ADGRD1: variants seen among roughly 807,000 people sequenced by gnomAD.
The protein encoded by ADGRD1 is adhesion G protein-coupled receptor D1, also known as G-protein coupled receptor 133.
ADGRD1 carries 77 observed loss-of-function variants against 113.4 expected under a neutral mutation model. The observed-to-expected ratio is 0.68, with a 90% CI of 0.57 to 0.82. The LOEUF is 0.82. ADGRD1 is among the 40% of genes least tolerant of loss of function. The pLI, the probability that ADGRD1 is intolerant of heterozygous loss-of-function variation, is 0.00. For synonymous variants in ADGRD1, 474 were observed against 475.0 expected (o/e 1.00, Z 0.03); for missense variants, 1,036 against 1,139.1 (o/e 0.91, Z 1.30).
intron 12 of ADGRD1, among the ~76,000 whole-genome samples, chr12:131,012,071 C>T (rs1235997756): frequency 6.6e-6 from 1 of 152,096 alleles, no homozygotes; most frequent in African/African-American, 2.4e-5. Context: ...GTTGTTCTTC[C>T]GGGGAAACAT....
intron 16 of ADGRD1, 95 bp downstream of exon 16, chr12:131,105,029 T>C: frequency 2.3e-6 from 2 of 869,544 alleles, no homozygotes; most frequent in Non-Finnish European, 3.5e-6. Context: ...GGAGGGGCTG[T>C]GGAGGTAAGA....
At chr12:131,119,954 C>T (rs548237007) in intron 19 of ADGRD1, among the ~76,000 whole-genome samples, 20 of 152,294 alleles carry the variant, frequency 1.3e-4, no homozygotes, top group African/African-American at 4.8e-4. Context: ...TCTCTGAAGT[C>T]ACCTGAGCTA....
intron 22 of ADGRD1, 43 bp downstream of exon 22, chr12:131,136,206 A>G (rs1210565136): frequency 6.2e-7 from 1 of 1,607,960 alleles, no homozygotes; most frequent in African/African-American, 1.3e-5. Context: ...GCCGCCAGCC[A>G]TCAGGAGCAG....
In ADGRD1 at chr12:131,050,785, C is replaced by G. The variant is rs1415044456; in HGVS notation, c.1474-26016C>G. Among the ~76,000 whole-genome samples, 2 of 152,092 alleles carry G rather than the reference C, an allele frequency of 1.3e-5. No homozygotes were observed. The highest frequency in any genetic ancestry group is 2.9e-5 in the Non-Finnish European group (2 of 68,028). The stretch of plus-strand genomic sequence containing the variant: ...GATGGATTCGGGATGAAACTGTTCC[C>G]CCTCAGATCATCAGGCACTAGACTC... On this transcript the variant is annotated intron_variant, in intron 13 of 24. Transcript: ENST00000261654. This position sits in a 1 kb window ranked among gnomAD's most constrained non-coding sequence, Gnocchi z 4.8.
In ADGRD1 at chr12:131,138,181, G is replaced by A. The variant is rs751110845; in HGVS notation, c.2481G>A (p.Thr827=). The change falls in exon 24 of 25, where the codon ACG becomes ACA. Residue 827 remains threonine, a synonymous_variant. Transcript: ENST00000261654. ...ACAAAACCAAGGTCTGGTCGCTCAC[G>A]AGCAGCTCTGCCCGCACCTCCAACG... ...FKHKTKVWSL[T]SSSARTSNAK... is the part of the protein sequence containing the mutation. The A allele has an allele frequency of 4.5e-5, 72 of 1,613,530 alleles. 1 individual carries two copies. In the East Asian group the frequency reaches 8.5e-4, roughly 19 times the overall value.
In ADGRD1 at chr12:131,113,003, C is replaced by T. The variant is rs1261357086; in HGVS notation, c.2041+4126C>T. Reference sequence around the variant, plus strand: ...GGGGGGAATGAGAAATGCGGGCAGCCTTCCCCACCTCCCCCAGCCTGGGGA... The same window carrying T: ...GGGGGGAATGAGAAATGCGGGCAGCTTTCCCCACCTCCCCCAGCCTGGGGA... On this transcript the variant is annotated intron_variant, in intron 18 of 24. Coordinates refer to ENST00000261654, the MANE Select transcript of ADGRD1 (RefSeq NM_198827.5). This position sits in a 1 kb window ranked among gnomAD's most constrained non-coding sequence, Gnocchi z 4.9. Among the ~76,000 whole-genome samples, 1 of 152,170 alleles carries T rather than the reference C, an allele frequency of 6.6e-6. No individual in the cohort carries two copies. The highest frequency in any genetic ancestry group is 1.5e-5 in the Non-Finnish European group (1 of 68,040).
chr12:131,022,278 G>T lies in ADGRD1; in HGVS notation c.1473+7938G>T, dbSNP rs1032361074. 1.3e-5 allele frequency among the ~76,000 whole-genome samples: 2 copies of T among 152,144 alleles called. No homozygotes were observed. The highest frequency in any genetic ancestry group is 2.9e-5 in the Non-Finnish European group (2 of 68,038). On this transcript the variant is annotated intron_variant, in intron 13 of 24. Coordinates refer to ENST00000261654, the MANE Select transcript of ADGRD1 (RefSeq NM_198827.5). This position sits in a 1 kb window ranked among gnomAD's most constrained non-coding sequence, Gnocchi z 4.6. ...CAGATGAACCCACTGTAAAGGGATG[G>T]TTTTCCCCTTTGCCTAGAATAAATA...
At chr12:131,012,494 C>T (rs892215961) in intron 12 of ADGRD1, among the ~76,000 whole-genome samples, 5 of 152,178 alleles carry the variant, frequency 3.3e-5, no homozygotes, top group African/African-American at 1.2e-4. Context: ...ACAGGGTGTT[C>T]ATTCTCTATG....
intron 6 of ADGRD1, chr12:130,989,504 C>G (rs1463110053): frequency 6.6e-6 from 1 of 152,246 alleles, no homozygotes; most frequent in African/African-American, 2.4e-5. Context: ...TACCACTGCT[C>G]AGTGAGTCTG....
At chr12:131,115,671 C>T (rs1950448147) in intron 18 of ADGRD1, among the ~76,000 whole-genome samples, 1 of 152,320 alleles carries the variant, frequency 6.6e-6, no homozygotes, top group Admixed American at 6.5e-5. Flanking sequence ...AAGTAAATGT[C>T]TCTGATGACA....
At chr12:131,076,957 G>A (rs1270161219) in intron 14 of ADGRD1, 83 bp downstream of exon 14, 1 of 1,107,598 alleles carries the variant, frequency 9.0e-7, no homozygotes, top group East Asian at 2.4e-5. Context: ...GGAGGATCTG[G>A]GTCACCCATT....
intron 12 of ADGRD1, among the ~76,000 whole-genome samples, chr12:131,009,958 A>G (rs1029324747): frequency 1.3e-5 from 2 of 152,196 alleles, no homozygotes; most frequent in Admixed American, 6.5e-5. Flanking sequence ...TAACAGTGCA[A>G]AGCTGCGGGG....
chr12:131,014,159 T>C, intron 12 of ADGRD1, 40 bp from the exon 13 acceptor site: 3 of 1,600,376 alleles, frequency 1.9e-6, no homozygotes, highest in Non-Finnish European at 2.6e-6. Flanking sequence ...GCTGCTCCCC[T>C]GCGTTTCCCA....
intron 13 of ADGRD1, among the ~76,000 whole-genome samples, chr12:131,061,561 G>A (rs772681704): frequency 6.6e-6 from 1 of 152,160 alleles, no homozygotes; most frequent in Non-Finnish European, 1.5e-5. Flanking sequence ...AGATTCACAG[G>A]AAGTTGCAAA....
intron 12 of ADGRD1, 84 bp from the exon 13 acceptor site, chr12:131,014,115 G>T (rs1878264266): frequency 4.4e-6 from 6 of 1,356,760 alleles, no homozygotes; most frequent in Non-Finnish European, 5.1e-6. Flanking sequence ...GTTTTGGGTG[G>T]AACGCTGGCT....
chr12:131,106,878 G>A (rs576873855), intron 17 of ADGRD1, among the ~76,000 whole-genome samples: 2 of 152,338 alleles, frequency 1.3e-5, no homozygotes, highest in East Asian at 1.9e-4. Flanking sequence ...CTCAGGCTCC[G>A]GTGTGAAACC....
At position 130,990,923 on chromosome 12, in the gene ADGRD1, G is replaced by C. The variant is rs1044788539; in HGVS notation, c.746-91G>C. 3 of 955,958 alleles carry C rather than the reference G, an allele frequency of 3.1e-6. No individual in the cohort carries two copies. In the Admixed American group the frequency reaches 5.6e-5, roughly 18 times the overall value. 59.2% of individuals were successfully genotyped at this position (955,958 alleles called of 1,614,324 possible). On this transcript the variant is annotated intron_variant, in intron 6 of 24. Transcript: ENST00000261654. ...TTCTCAGACTCTCTTCCATGTGTCT[G>C]AAGCCAGTACATTTTTAACAAGGAC...
intron 15 of ADGRD1, among the ~76,000 whole-genome samples, chr12:131,094,606 C>G (rs1425731108): frequency 6.6e-6 from 1 of 152,044 alleles, no homozygotes; most frequent in Non-Finnish European, 1.5e-5. Context: ...CCAAGCAATA[C>G]TGTGGTTCAC....
chr12:131,093,549 G>T lies in ADGRD1; in HGVS notation c.1671+8886G>T, dbSNP rs77197705. On this transcript the variant is annotated intron_variant, in intron 15 of 24. Transcript: ENST00000261654. Reference sequence around the variant, plus strand: ...GCAGTGGCAGGGGCCTGAATTACACGGTGTTGCTGGGAGCTGTGAGAACCA... The same window carrying T: ...GCAGTGGCAGGGGCCTGAATTACACTGTGTTGCTGGGAGCTGTGAGAACCA... 3.0e-3 allele frequency among the ~76,000 whole-genome samples: 460 copies of T among 152,296 alleles called. 19 individuals carry two copies. The East Asian group carries it at 0.072, about 24-fold the overall frequency.
Sources: allele counts gnomAD v4.1 joint callset (sites outside exome capture counted in the v4.1 genomes callset), GRCh38; gene constraint gnomAD v4.1.1; non-coding constraint Gnocchi (gnomAD v3.1); transcripts MANE v1.5; gene names NCBI Gene and HGNC (gene_info 2026-07-23, HGNC 2026-07-21).